Variants in CDH13 observed in about 807,000 individuals in gnomAD.
CDH13 encodes cadherin-13.
A neutral mutation model predicts 63.8 loss-of-function variants in CDH13; 24 were observed. That is an observed-to-expected ratio of 0.38 (90% CI 0.27 to 0.53). The LOEUF is 0.53. Ranked by LOEUF, CDH13 falls within the 20% of genes least tolerant of loss-of-function variation. The pLI is 0.85. For synonymous variants in CDH13, 503 were observed against 355.3 expected (o/e 1.42, Z -4.67); for missense variants, 1,049 against 903.1 (o/e 1.16, Z -2.07).
intron 8 of CDH13, among the ~76,000 whole-genome samples, chr16:83,619,519 C>A (rs1413365662): frequency 6.6e-6 from 1 of 152,236 alleles, no homozygotes; most frequent in Non-Finnish European, 1.5e-5. Flanking sequence ...AAGGCACTGG[C>A]AGGGTTGGTT....
intron 10 of CDH13, among the ~76,000 whole-genome samples, chr16:83,705,307 G>A (rs889121445): frequency 2.0e-5 from 3 of 152,092 alleles, no homozygotes; most frequent in Non-Finnish European, 2.9e-5. Flanking sequence ...CAAGCTTTTT[G>A]AGAATTTTGA....
chr16:83,466,930 G>A (rs1320024198), intron 6 of CDH13, among the ~76,000 whole-genome samples: 1 of 152,000 alleles, frequency 6.6e-6, no homozygotes, highest in Non-Finnish European at 1.5e-5. Flanking sequence ...TCTTTATATG[G>A]CAGTACCCCA....
At chr16:83,521,586 A>G (rs2074838535) in intron 7 of CDH13, among the ~76,000 whole-genome samples, 1 of 152,226 alleles carries the variant, frequency 6.6e-6, no homozygotes, top group African/African-American at 2.4e-5. Flanking sequence ...TTTTAAAGGG[A>G]TGTAAAAGTC....
In CDH13 at chr16:83,010,158, A is replaced by AAAAAAC. The variant is rs1555561348; in HGVS notation, c.158-21848_158-21847insACAAAA. 2.2e-3 allele frequency among the ~76,000 whole-genome samples: 305 copies of AAAAAAC among 136,792 alleles called. 5 individuals are homozygous for AAAAAAC. Among genetic ancestry groups the AAAAAAC allele is most frequent in the African/African-American group, 7.9e-3 (291 of 36,724 alleles). 89.7% of individuals were successfully genotyped at this position (136,792 alleles called of 152,430 possible). A position where few individuals can be genotyped will look rare whatever the true frequency, so the allele number is the denominator to read the frequency against. On this transcript the variant is annotated intron_variant, in intron 2 of 13. Transcript: ENST00000567109. ...CTCAAAAAAAAAAAAAAAAAAAAAA[A>AAAAAAC]AAAACAAGAATGGCTCAGGTAGGGG...
In CDH13 at chr16:83,253,226, C is replaced by T. The variant is rs1905798443; in HGVS notation, c.636+35729C>T. Among the ~76,000 whole-genome samples the T allele has an allele frequency of 2.6e-5, 4 of 152,224 alleles. No individual in the cohort carries two copies. In the South Asian group the frequency reaches 8.3e-4, roughly 32 times the overall value. Reference sequence around the variant, plus strand: ...GGATTTATTTTTCTATTTTATGATTCCGTAAAAGGCTTCCTATAAGACTTG... The same window carrying T: ...GGATTTATTTTTCTATTTTATGATTTCGTAAAAGGCTTCCTATAAGACTTG... On this transcript the variant is annotated intron_variant, in intron 5 of 13. Coordinates refer to ENST00000567109, the MANE Select transcript of CDH13 (RefSeq NM_001257.5).
At position 82,889,184 on chromosome 16, in the gene CDH13, T is replaced by G. The variant is rs547505399; in HGVS notation, c.157+30711T>G. ...TCCTTTTGTTCAAAAAATACCCCCTTGAATGTTTTAAATGTCACTGTTTTT... is the reference window on the plus strand; with the variant it reads ...TCCTTTTGTTCAAAAAATACCCCCTGGAATGTTTTAAATGTCACTGTTTTT... On this transcript the variant is annotated intron_variant, in intron 2 of 13. Transcript: ENST00000567109. Among the ~76,000 whole-genome samples, 11 of 152,312 alleles carry G rather than the reference T, an allele frequency of 7.2e-5. No individual in the cohort carries two copies. In the South Asian group the frequency reaches 2.3e-3, roughly 32 times the overall value.
intron 7 of CDH13, among the ~76,000 whole-genome samples, chr16:83,495,931 G>A (rs9924925): frequency 0.83 from 125,583 of 151,708 alleles, 52,135 homozygotes; most frequent in East Asian, 0.95. Context: ...AGAATAAAAT[G>A]CCTAGGAATC....
chr16:83,087,440 C>T (rs982115812), intron 3 of CDH13, among the ~76,000 whole-genome samples: 2 of 151,984 alleles, frequency 1.3e-5, no homozygotes, highest in Admixed American at 6.5e-5. Flanking sequence ...GAGGCCGAGG[C>T]GGGCAGATCA....
At position 83,179,481 on chromosome 16, in the gene CDH13, T is replaced by TAAAAAAAAAAA. The variant is rs565547312; in HGVS notation, c.484-37853_484-37843dup. 4.5e-4 allele frequency among the ~76,000 whole-genome samples: 31 copies of TAAAAAAAAAAA among 69,076 alleles called. 2 individuals carry two copies. Among genetic ancestry groups the TAAAAAAAAAAA allele is most frequent in the South Asian group, 4.8e-4 (1 of 2,090 alleles). 45.3% of individuals were successfully genotyped at this position (69,076 alleles called of 152,430 possible). A position where few individuals can be genotyped will look rare whatever the true frequency, so the allele number is the denominator to read the frequency against. The stretch of plus-strand genomic sequence containing the variant: ...TAACACAGTGAAACCCCGTCTCTAC[T>TAAAAAAAAAAA]AAAAAAAAAAAAAAAAAAAAATTAG... On this transcript the variant is annotated intron_variant, in intron 4 of 13. Transcript: ENST00000567109.
At chr16:82,714,501 G>T (rs1213979059) in intron 1 of CDH13, among the ~76,000 whole-genome samples, 5 of 151,934 alleles carry the variant, frequency 3.3e-5, no homozygotes, top group Non-Finnish European at 7.4e-5. Flanking sequence ...ATCACCTGAG[G>T]TTAGGAGTTC....
chr16:83,051,470 C>T (rs539692618), intron 3 of CDH13, among the ~76,000 whole-genome samples: 2 of 152,096 alleles, frequency 1.3e-5, no homozygotes, highest in Non-Finnish European at 2.9e-5. Context: ...ATAGGTAAAC[C>T]TGGTACTAGG....
chr16:83,441,789 A>T (rs1012209547), intron 6 of CDH13, among the ~76,000 whole-genome samples: 1 of 152,144 alleles, frequency 6.6e-6, no homozygotes, highest in Admixed American at 6.5e-5. Context: ...TGTGATGATG[A>T]TTCAGCTCTG....
At chr16:83,512,332 A>ATAAAT (rs2074589207) in intron 7 of CDH13, among the ~76,000 whole-genome samples, 2 of 140,480 alleles carry the variant, frequency 1.4e-5, no homozygotes, top group African/African-American at 2.7e-5. Flanking sequence ...AAATAAATAA[A>ATAAAT]TAAATAAATA....
intron 3 of CDH13, among the ~76,000 whole-genome samples, chr16:83,082,530 G>A (rs921004875): frequency 6.6e-6 from 1 of 152,118 alleles, no homozygotes; most frequent in Non-Finnish European, 1.5e-5. Flanking sequence ...CTATTTGGAA[G>A]GCTGAGGCAG....
intron 3 of CDH13, among the ~76,000 whole-genome samples, chr16:83,046,059 C>T (rs985183824): frequency 6.6e-6 from 1 of 152,128 alleles, no homozygotes; most frequent in Non-Finnish European, 1.5e-5. Flanking sequence ...GATTCTCAGC[C>T]CAATTGCTTG....
chr16:83,015,966 T>C (rs1042387401), intron 2 of CDH13, among the ~76,000 whole-genome samples: 5 of 151,906 alleles, frequency 3.3e-5, no homozygotes, highest in African/African-American at 9.7e-5. Context: ...TTCTGCTGCA[T>C]TGGCTTTTAC....
At position 83,047,188 on chromosome 16, in the gene CDH13, T is replaced by C. The variant is rs968289281; in HGVS notation, c.366+14970T>C. ...AGGTCTGCAGACTATAAGCAGACTT[T>C]ATCTGAAGACCACCTCCTGCCCCTC... On this transcript the variant is annotated intron_variant, in intron 3 of 13. Transcript: ENST00000567109. This position sits in a 1 kb window ranked among gnomAD's most constrained non-coding sequence, Gnocchi z 4.9. Among the ~76,000 whole-genome samples, 7 of 152,224 alleles carry C rather than the reference T, an allele frequency of 4.6e-5. No individual in the cohort carries two copies. Among genetic ancestry groups the C allele is most frequent in the African/African-American group, 1.7e-4 (7 of 41,458 alleles).
chr16:82,672,642 C>A (rs906875881), intron 1 of CDH13, among the ~76,000 whole-genome samples: 3 of 152,068 alleles, frequency 2.0e-5, no homozygotes, highest in Non-Finnish European at 4.4e-5. Flanking sequence ...ATTATTTCCT[C>A]CTCCATCTGC....
At chr16:83,416,308 A>T (rs2071546919) in intron 6 of CDH13, among the ~76,000 whole-genome samples, 1 of 152,234 alleles carries the variant, frequency 6.6e-6, no homozygotes, top group South Asian at 2.1e-4. Context: ...TTGTTAAAAC[A>T]TCCACATTAC....
Sources: gnomAD v4.1 joint callset for allele counts (sites outside exome capture counted in the v4.1 genomes callset) on GRCh38, gnomAD v4.1.1 for gene constraint, Gnocchi (gnomAD v3.1) non-coding constraint, MANE v1.5 for transcripts, NCBI Gene and HGNC (gene_info 2026-07-23, HGNC 2026-07-21) for gene names.